DPYD: variants seen among roughly 807,000 people sequenced by gnomAD.
DPYD encodes dihydropyrimidine dehydrogenase, also known as dihydropyrimidine dehydrogenase [NADP(+)].
In DPYD, 109 loss-of-function variants were observed where a neutral mutation model predicts 116.2. The observed-to-expected ratio is 0.94, with a 90% CI of 0.80 to 1.10. The LOEUF is 1.10. DPYD is among the 50% of genes least tolerant of loss of function. DPYD has a pLI of 0.00. For synonymous variants in DPYD, 440 were observed against 432.0 expected, an observed-to-expected ratio of 1.02 and a Z score of -0.23; for missense variants, 1,302 against 1,254.5, an observed-to-expected ratio of 1.04 and a Z score of -0.57.
chr1:97,603,348 A>C (rs1265886324), intron 8 of DPYD, among the ~76,000 whole-genome samples: 1 of 152,104 alleles, frequency 6.6e-6, no homozygotes, highest in Non-Finnish European at 1.5e-5. Context: ...TGCAACAGCC[A>C]CCTGCTGTGG....
intron 13 of DPYD, among the ~76,000 whole-genome samples, chr1:97,479,107 T>C (rs909181239): frequency 2.1e-4 from 32 of 152,204 alleles, no homozygotes; most frequent in African/African-American, 7.5e-4. Flanking sequence ...GCTGTTTTGA[T>C]GTCTTATCAT....
At position 97,323,368 on chromosome 1, in the gene DPYD, ATACATGTGTATATGTACACGTATG is replaced by A. The variant is rs1558029818; in HGVS notation, c.2059-17095_2059-17072del. On this transcript the variant is annotated intron_variant, in intron 16 of 22. Transcript: ENST00000370192. ...TACATGTGTATATGTACACGTATGTATACATGTGTATATGTACACGTATGTATACATATGTGTATATGTACACGT... is the reference window on the plus strand; with the variant it reads ...TACATGTGTATATGTACACGTATGTATATACATATGTGTATATGTACACGT... 3.1e-4 allele frequency among the ~76,000 whole-genome samples: 40 copies of A among 128,498 alleles called. 3 individuals are homozygous for A. Among genetic ancestry groups the A allele is most frequent in the African/African-American group, 1.0e-3 (32 of 32,078 alleles). The allele number at this position is 128,498 out of a possible 152,430, so 84.3% of individuals were successfully genotyped here. A position where few individuals can be genotyped will look rare whatever the true frequency, so the allele number is the denominator to read the frequency against.
chr1:97,599,830 C>T (rs1329804666), intron 8 of DPYD, among the ~76,000 whole-genome samples: 1 of 118,182 alleles, frequency 8.5e-6, no homozygotes, highest in East Asian at 2.7e-4. Context: ...TCGAGATCAG[C>T]CTGACCAACA....
intron 18 of DPYD, among the ~76,000 whole-genome samples, chr1:97,277,791 G>T (rs747783143): frequency 6.6e-6 from 1 of 152,074 alleles, no homozygotes; most frequent in Admixed American, 6.6e-5. Context: ...AACAGCCATG[G>T]TGCCCATTTA....
At chr1:97,853,801 C>T (rs1670681194) in intron 2 of DPYD, among the ~76,000 whole-genome samples, 1 of 152,106 alleles carries the variant, frequency 6.6e-6, no homozygotes, top group South Asian at 2.1e-4. Flanking sequence ...ATAGTGTTCT[C>T]CCACTTTCCA....
intron 3 of DPYD, among the ~76,000 whole-genome samples, chr1:97,782,218 T>A (rs1400427431): frequency 1.3e-5 from 2 of 152,232 alleles, no homozygotes; most frequent in Non-Finnish European, 2.9e-5. Flanking sequence ...CTGTGGAGGA[T>A]GCTTTGTCCA....
At chr1:97,080,925 C>A (rs1010673175) in intron 22 of DPYD, among the ~76,000 whole-genome samples, 1 of 151,818 alleles carries the variant, frequency 6.6e-6, no homozygotes, top group African/African-American at 2.4e-5. Context: ...GCCATAAGTT[C>A]TAAGATTTAA....
At chr1:97,572,978 A>G (rs1477443003) in intron 11 of DPYD, among the ~76,000 whole-genome samples, 1 of 152,046 alleles carries the variant, frequency 6.6e-6, no homozygotes, top group Admixed American at 6.6e-5. Flanking sequence ...TTCTTAATGA[A>G]TCTCTGACCT....
chr1:97,355,380 ATACT>A (rs1209526908), intron 16 of DPYD, among the ~76,000 whole-genome samples: 14 of 152,170 alleles, frequency 9.2e-5, no homozygotes, highest in African/African-American at 3.4e-4. Flanking sequence ...ATCACCTAAA[ATACT>A]TACTTTTTGT....
At chr1:97,860,406 G>A (rs1324759906) in intron 2 of DPYD, among the ~76,000 whole-genome samples, 1 of 152,004 alleles carries the variant, frequency 6.6e-6, no homozygotes, top group African/African-American at 2.4e-5. Context: ...GTATAAAAGA[G>A]AAAAACATAA....
At chr1:97,495,380 C>T (rs888813280) in intron 13 of DPYD, among the ~76,000 whole-genome samples, 2 of 152,100 alleles carry the variant, frequency 1.3e-5, no homozygotes, top group African/African-American at 4.8e-5. Context: ...TTTGTGCTCC[C>T]TCTTCCCTTC....
At chr1:97,695,592 G>GATAT (rs145285511) in intron 6 of DPYD, among the ~76,000 whole-genome samples, 1 of 149,974 alleles carries the variant, frequency 6.7e-6, no homozygotes, top group African/African-American at 2.5e-5. Flanking sequence ...TTAAGTGATC[G>GATAT]ATATATATAT....
chr1:97,380,356 C>T (rs1156913612), intron 15 of DPYD, among the ~76,000 whole-genome samples: 1 of 152,186 alleles, frequency 6.6e-6, no homozygotes, highest in Non-Finnish European at 1.5e-5. Context: ...ATCAAGAAAA[C>T]TAACTAGATT....
At chr1:97,242,024 G>A (rs1662368544) in intron 18 of DPYD, among the ~76,000 whole-genome samples, 1 of 148,348 alleles carries the variant, frequency 6.7e-6, no homozygotes, top group African/African-American at 2.5e-5. Flanking sequence ...TCAAAATTAT[G>A]AATATTCATA....
chr1:97,613,367 ACT>A (rs751555589), intron 8 of DPYD, among the ~76,000 whole-genome samples: 18 of 152,012 alleles, frequency 1.2e-4, no homozygotes, highest in Non-Finnish European at 1.9e-4. Context: ...ATCAATCATA[ACT>A]CTCTGAAAAT....
chr1:97,515,585 A>AT lies in DPYD; in HGVS notation c.1740+140_1740+141insA, dbSNP rs56080540. Reference sequence around the variant, plus strand: ...GGGACAGAAAGGAAGGAAAGAAACTAAAGATTAATGTGTAATGATAGGTCT... The same window carrying AT: ...GGGACAGAAAGGAAGGAAAGAAACTATAAGATTAATGTGTAATGATAGGTCT... On this transcript the variant is annotated intron_variant, in intron 13 of 22. Transcript: ENST00000370192. 0.092 allele frequency: 69,249 copies of AT among 754,492 alleles called. 3,581 individuals carry two copies. Among genetic ancestry groups the AT allele is most frequent in the South Asian group, 0.11 (5,616 of 52,774 alleles). The allele number at this position is 754,492 out of a possible 1,614,324, so 46.7% of individuals were successfully genotyped here.
rs184671858 is a variant in DPYD, at chr1:97,213,911, A to G, written c.2443-20663T>C. On this transcript the variant is annotated intron_variant, in intron 19 of 22. Coordinates refer to ENST00000370192, the MANE Select transcript of DPYD (RefSeq NM_000110.4). ...ATATTCCCCCTCTCGAGTTACTAAA[A>G]TGCCCATTTTAGACACTTTTCTAGA... Among the ~76,000 whole-genome samples the G allele has an allele frequency of 1.6e-4, 24 of 152,198 alleles. No individual in the cohort carries two copies. In the East Asian group the frequency reaches 4.1e-3, roughly 26 times the overall value.
chr1:97,503,269 C>A (rs902211580), intron 13 of DPYD, among the ~76,000 whole-genome samples: 3 of 151,820 alleles, frequency 2.0e-5, no homozygotes, highest in African/African-American at 7.3e-5. Context: ...TTGTTTATTC[C>A]CCCCATTTAA....
At chr1:97,278,522 AT>A (rs1665101259) in intron 18 of DPYD, among the ~76,000 whole-genome samples, 1 of 152,172 alleles carries the variant, frequency 6.6e-6, no homozygotes, top group Non-Finnish European at 1.5e-5. Flanking sequence ...CAATGCCTAG[AT>A]TTAAAAAGTC....
Sources: allele counts gnomAD v4.1 joint callset (sites outside exome capture counted in the v4.1 genomes callset), GRCh38; gene constraint gnomAD v4.1.1; transcripts MANE v1.5; gene names NCBI Gene and HGNC (gene_info 2026-07-23, HGNC 2026-07-21).